The following CNTNAP5 variants were observed in gnomAD, a reference collection of about 807,000 sequenced individuals.
CNTNAP5 encodes the protein contactin-associated protein-like 5.
Under a neutral mutation model 150.2 loss-of-function variants are expected in CNTNAP5, and 72 were observed. The observed-to-expected ratio is 0.48, with a 90% CI of 0.40 to 0.58. The LOEUF is 0.58. Ranked by LOEUF, CNTNAP5 falls within the 20% of genes least tolerant of loss-of-function variation. The pLI is 0.00. For missense variants in CNTNAP5, 1,636 were observed against 1,626.2 expected (o/e 1.01, Z -0.10); for synonymous variants, 672 against 619.8 (o/e 1.08, Z -1.25).
intron 1 of CNTNAP5, among the ~76,000 whole-genome samples, chr2:124,083,482 T>C (rs942861513): frequency 2.0e-5 from 3 of 152,230 alleles, no homozygotes; most frequent in African/African-American, 7.2e-5. Context: ...TCTGACTTTA[T>C]GGATTATGCA....
chr2:124,235,382 A>G (rs932044200), intron 2 of CNTNAP5, among the ~76,000 whole-genome samples: 29 of 151,836 alleles, frequency 1.9e-4, no homozygotes, highest in African/African-American at 6.5e-4. Flanking sequence ...CATCCTCAAC[A>G]AGACCACTTT....
At chr2:124,822,731 C>A (rs993478487) in intron 19 of CNTNAP5, among the ~76,000 whole-genome samples, 5 of 152,184 alleles carry the variant, frequency 3.3e-5, no homozygotes, top group African/African-American at 1.2e-4. Flanking sequence ...GTTATGTTTA[C>A]TCACTGCAGA....
chr2:124,263,586 C>T (rs1468795661), intron 3 of CNTNAP5, among the ~76,000 whole-genome samples: 1 of 152,052 alleles, frequency 6.6e-6, no homozygotes, highest in Non-Finnish European at 1.5e-5. Flanking sequence ...AATTTTCTCC[C>T]CTTCTGTAGG....
At chr2:124,781,469 G>A (rs1458091325) in intron 17 of CNTNAP5, among the ~76,000 whole-genome samples, 3 of 152,174 alleles carry the variant, frequency 2.0e-5, no homozygotes, top group African/African-American at 7.2e-5. Context: ...AATGTCTAGG[G>A]AAATTTGCCC....
chr2:124,906,035 G>A (rs1678529099), intron 22 of CNTNAP5, among the ~76,000 whole-genome samples: 1 of 152,096 alleles, frequency 6.6e-6, no homozygotes, highest in African/African-American at 2.4e-5. Flanking sequence ...GAATCAGCTA[G>A]CCCTGAGAGG....
intron 7 of CNTNAP5, among the ~76,000 whole-genome samples, chr2:124,497,292 C>T (rs1486099014): frequency 6.6e-6 from 1 of 152,102 alleles, no homozygotes; most frequent in Non-Finnish European, 1.5e-5. Flanking sequence ...AATAACTGAC[C>T]AATGTTTGAC....
In CNTNAP5 at chr2:124,769,610, G is replaced by T. The variant is rs796553747; in HGVS notation, c.2534-3189G>T. Among the ~76,000 whole-genome samples, 29 of 152,280 alleles carry T rather than the reference G, an allele frequency of 1.9e-4. 1 individual carries two copies. The highest frequency in any genetic ancestry group is 6.0e-4 in the African/African-American group (25 of 41,554). ...GAGCCAGCTTGAGTTTGCCTTAAGG[G>T]CCCTGTTATACTGGGCCACAGTGGG... On this transcript the variant is annotated intron_variant, in intron 16 of 23. Transcript: ENST00000682447.
rs1677707030 is a variant in CNTNAP5, at chr2:124,869,756, G to A, written c.3430G>A (p.Val1144Ile). The A allele has an allele frequency of 1.3e-6, 2 of 1,597,934 alleles. No individual in the cohort carries two copies. Among genetic ancestry groups the A allele is most frequent in the Non-Finnish European group, 1.7e-6 (2 of 1,165,994 alleles). The change falls in exon 21 of 24, where the codon GTC (valine) becomes ATC (isoleucine). Residue 1144 changes from valine (V) to isoleucine (I), a missense_variant. Transcript: ENST00000682447. The stretch of plus-strand genomic sequence containing the variant: ...TATAAGGTCACTCACCTTGGGCAAA[G>A]TCACAGGTATGTTGTTCTAGTTCAT... ...RVIRSLTLGK[V>I]TENLGLDSEV...
chr2:124,430,611 A>G (rs185245538), intron 4 of CNTNAP5, among the ~76,000 whole-genome samples: 95 of 152,336 alleles, frequency 6.2e-4, no homozygotes, highest in African/African-American at 2.2e-3. Context: ...AGGAAGTTCA[A>G]TGAAATACTT....
intron 13 of CNTNAP5, among the ~76,000 whole-genome samples, chr2:124,656,961 G>T (rs747871298): frequency 1.3e-5 from 2 of 152,184 alleles, no homozygotes; most frequent in Non-Finnish European, 2.9e-5. Context: ...GGCCTTCTGA[G>T]CCTCAGTTTT....
chr2:124,139,501 T>C (rs376400991), intron 1 of CNTNAP5, among the ~76,000 whole-genome samples: 15 of 152,036 alleles, frequency 9.9e-5, no homozygotes, highest in East Asian at 7.8e-4. Flanking sequence ...CCAGTTCCCC[T>C]TCACCTGGTA....
chr2:124,774,975 G>A (rs1573608903), intron 17 of CNTNAP5, among the ~76,000 whole-genome samples: 1 of 152,174 alleles, frequency 6.6e-6, no homozygotes, highest in East Asian at 1.9e-4. Context: ...GGGTCTGGAG[G>A]AGATATCTTG....
At chr2:124,391,937 CAG>C (rs59498152) in intron 3 of CNTNAP5, among the ~76,000 whole-genome samples, 15,760 of 152,054 alleles carry the variant, frequency 0.1, 1,181 homozygotes, top group African/African-American at 0.22. Context: ...GCCTGGGTGA[CAG>C]AGCGAGACTC....
chr2:124,510,510 T>TACAC (rs1553474731), intron 8 of CNTNAP5, among the ~76,000 whole-genome samples: 1 of 124,488 alleles, frequency 8.0e-6, no homozygotes, highest in African/African-American at 3.2e-5. Flanking sequence ...TATATATATA[T>TACAC]ATATATATAC....
At chr2:124,866,100 A>T (rs995171555) in intron 20 of CNTNAP5, among the ~76,000 whole-genome samples, 1 of 148,568 alleles carries the variant, frequency 6.7e-6, no homozygotes, top group African/African-American at 2.5e-5. Flanking sequence ...CATCAATACT[A>T]AAAAATACAA....
In CNTNAP5 at chr2:124,864,941, AAG is replaced by A. The variant is rs1161148773; in HGVS notation, c.3218-360_3218-359del. Reference sequence around the variant, plus strand: ...AAAAGGGAGACAGCAATTAGGAAGAAAGAGAGTTATAGGAAGTGGTAGGAATT... The same window carrying A: ...AAAAGGGAGACAGCAATTAGGAAGAAAGAGTTATAGGAAGTGGTAGGAATT... On this transcript the variant is annotated intron_variant, in intron 19 of 23. Transcript: ENST00000682447. Among the ~76,000 whole-genome samples the A allele has an allele frequency of 2.6e-5, 4 of 152,150 alleles. No homozygotes were observed. In the South Asian group the frequency reaches 8.3e-4, roughly 32 times the overall value.
intron 1 of CNTNAP5, among the ~76,000 whole-genome samples, chr2:124,094,860 A>G (rs1316022488): frequency 6.6e-6 from 1 of 152,132 alleles, no homozygotes; most frequent in African/African-American, 2.4e-5. Context: ...CTGCTTTGCC[A>G]GGGGTCAGTG....
At chr2:124,407,929 C>T (rs1450345285) in intron 3 of CNTNAP5, among the ~76,000 whole-genome samples, 4 of 152,066 alleles carry the variant, frequency 2.6e-5, no homozygotes, top group African/African-American at 4.8e-5. Context: ...CCAGCGTGAG[C>T]GACGCAGAAG....
intron 17 of CNTNAP5, among the ~76,000 whole-genome samples, chr2:124,778,125 C>A (rs1299800499): frequency 2.6e-5 from 4 of 152,236 alleles, no homozygotes; most frequent in South Asian, 4.1e-4. Flanking sequence ...GGGGCAATTG[C>A]AGGAAAGAAA....
Sources: allele counts gnomAD v4.1 joint callset (sites outside exome capture counted in the v4.1 genomes callset), GRCh38; gene constraint gnomAD v4.1.1; transcripts MANE v1.5; gene names NCBI Gene and HGNC (gene_info 2026-07-23, HGNC 2026-07-21).